PSG4: variants seen among roughly 807,000 people sequenced by gnomAD.
PSG4 encodes pregnancy specific beta-1-glycoprotein 4.
Under a neutral mutation model 44.3 loss-of-function variants are expected in PSG4, and 61 were observed. The ratio of observed to expected loss-of-function variants is 1.38; its 90% CI spans 1.12 to 1.70. The LOEUF is 1.70. PSG4 is among the 40% of genes most tolerant of loss of function. The probability of loss-of-function intolerance (pLI) is 0.00; values close to 1 mark genes in which losing one functional copy is unlikely to be tolerated. For synonymous variants in PSG4, 248 were observed against 191.3 expected, an observed-to-expected ratio of 1.30 and a Z score of -2.45; for missense variants, 677 against 511.7, an observed-to-expected ratio of 1.32 and a Z score of -3.12.
intron 1 of PSG4, chr19:43,204,675 T>A (rs1967678819): frequency 4.5e-6 from 1 of 220,676 alleles, no homozygotes; most frequent in South Asian, 5.3e-5. Context: ...ACATTCTAGA[T>A]CACTTAGCAT....
chr19:43,205,402 C>A lies in PSG4; in HGVS notation c.64+71G>T, dbSNP rs1297556227. ...CTTCTTTCATTTTTCAGAACCCCAT[C>A]CTCTCCAGGAGACCCCATCCAGTCA... On this transcript the variant is annotated intron_variant, in intron 1 of 5. Coordinates refer to ENST00000405312, the MANE Select transcript of PSG4 (RefSeq NM_002780.5). The A allele has an allele frequency of 9.0e-6, 13 of 1,440,008 alleles. 2 individuals carry two copies. The highest frequency in any genetic ancestry group is 6.4e-5 in the African/African-American group (4 of 62,606). 89.2% of individuals were successfully genotyped at this position (1,440,008 alleles called of 1,614,324 possible).
intron 4 of PSG4, 22 bp downstream of exon 4, chr19:43,194,973 C>G (rs183349811): frequency 1.9e-6 from 3 of 1,607,624 alleles, no homozygotes; most frequent in Non-Finnish European, 2.6e-6. Context: ...TCCTGGCCCA[C>G]AGAGGAACAA....
chr19:43,194,810 C>T, intron 4 of PSG4, 185 bp downstream of exon 4: 2 of 1,432,536 alleles, frequency 1.4e-6, no homozygotes, highest in Non-Finnish European at 1.9e-6. Context: ...AGCGTCCCCT[C>T]CCCTTATATT....
At chr19:43,193,803 A>T (rs1349503389) in intron 5 of PSG4, 2 of 544,212 alleles carry the variant, frequency 3.7e-6, no homozygotes, top group Admixed American at 3.7e-5. Context: ...ATAACCAATG[A>T]TTTGAAATGT....
chr19:43,199,244 A>G lies in PSG4; in HGVS notation c.431-969T>C, dbSNP rs182811009. Reference sequence around the variant, plus strand: ...ATTCTACTCTCTGATTCTGAGTTTGACTACTCTATGTACCTCATATAAGTG... The same window carrying G: ...ATTCTACTCTCTGATTCTGAGTTTGGCTACTCTATGTACCTCATATAAGTG... On this transcript the variant is annotated intron_variant, in intron 2 of 5. Coordinates refer to ENST00000405312, the MANE Select transcript of PSG4 (RefSeq NM_002780.5). 2.9e-3 allele frequency among the ~76,000 whole-genome samples: 417 copies of G among 145,238 alleles called. 63 individuals are homozygous for G. The highest frequency in any genetic ancestry group is 0.011 in the African/African-American group (414 of 37,786).
At position 43,192,784 on chromosome 19, in the gene PSG4, G is replaced by C. The variant is rs1443889840; in HGVS notation, c.*588C>G. On this transcript the variant is annotated 3_prime_UTR_variant, in exon 6 of 6. Coordinates refer to ENST00000405312, the MANE Select transcript of PSG4 (RefSeq NM_002780.5). ...CACTGTATCTCTTAGGAAATGGTGA[G>C]AGCCATCCACACAATGTGCATTTAA... The C allele has an allele frequency of 1.1e-5, 2 of 188,248 alleles. No homozygotes were observed. The highest frequency in any genetic ancestry group is 2.2e-5 in the Non-Finnish European group (2 of 89,896). 11.7% of individuals were successfully genotyped at this position (188,248 alleles called of 1,614,324 possible). A position where few individuals can be genotyped will look rare whatever the true frequency, so the allele number is the denominator to read the frequency against.
At position 43,200,583 on chromosome 19, in the gene PSG4, A is replaced by T. The variant is rs1599776511; in HGVS notation, c.431-2308T>A. Among the ~76,000 whole-genome samples the T allele has an allele frequency of 1.4e-5, 2 of 140,628 alleles. 1 individual carries two copies. The highest frequency in any genetic ancestry group is 3.0e-5 in the Non-Finnish European group (2 of 66,168). 92.3% of individuals were successfully genotyped at this position (140,628 alleles called of 152,430 possible). ...AAGCATTCTTCATTTCTCTAACAGCATTTTTTTTCTGAGACAGAGTCTCGC... is the reference window on the plus strand; with the variant it reads ...AAGCATTCTTCATTTCTCTAACAGCTTTTTTTTTCTGAGACAGAGTCTCGC... On this transcript the variant is annotated intron_variant, in intron 2 of 5. Coordinates refer to ENST00000405312, the MANE Select transcript of PSG4 (RefSeq NM_002780.5).
At position 43,198,176 on chromosome 19, in the gene PSG4, C is replaced by A; in HGVS notation, c.530G>T (p.Ser177Ile). ...LTCDPATPAA[S>I]YQWWMNGQSL... ...CTGACCATTCATCCACCACTGGTAG[C>A]TTGCGGCTGGAGTCGCAGGATCACA... is the stretch of plus-strand genomic sequence containing the variant. Residue 177 changes from serine (S) to isoleucine (I), a missense_variant, in exon 3 of 6, where the codon AGC becomes ATC. Physicochemically the swap from Ser to Ile is moderately radical, Grantham distance 142. Coordinates refer to ENST00000405312, the MANE Select transcript of PSG4 (RefSeq NM_002780.5). 6.3e-7 allele frequency: 1 copy of A among 1,587,976 alleles called. No homozygotes were observed. Among genetic ancestry groups the A allele is most frequent in the African/African-American group, 1.4e-5 (1 of 69,756 alleles).
In PSG4 at chr19:43,205,226, G is replaced by C. The variant is rs565953314; in HGVS notation, c.64+247C>G. Among the ~76,000 whole-genome samples, 3 of 138,072 alleles carry C rather than the reference G, an allele frequency of 2.2e-5. No individual in the cohort carries two copies. The South Asian group carries it at 6.7e-4, about 31-fold the overall frequency. 90.6% of individuals were successfully genotyped at this position (138,072 alleles called of 152,430 possible). On this transcript the variant is annotated intron_variant, in intron 1 of 5. Coordinates refer to ENST00000405312, the MANE Select transcript of PSG4 (RefSeq NM_002780.5). ...GGGTGCACGTGATTCTCCTGCCACA[G>C]CCTCCTGAGTAGCTATGATTACAGG...
intron 3 of PSG4, 51 bp downstream of exon 3, chr19:43,197,946 A>G (rs770581007): frequency 1.3e-6 from 2 of 1,581,708 alleles, no homozygotes; most frequent in Non-Finnish European, 8.6e-7. Flanking sequence ...GCCTCTGGCC[A>G]TGTGTATTTG....
intron 1 of PSG4, among the ~76,000 whole-genome samples, chr19:43,205,224 C>G (rs1241963126): frequency 7.2e-6 from 1 of 139,310 alleles, no homozygotes; most frequent in African/African-American, 2.9e-5. Context: ...TCTCCTGCCA[C>G]AGCCTCCTGA....
chr19:43,198,483 C>T, intron 2 of PSG4: 2 of 964,668 alleles, frequency 2.1e-6, no homozygotes, highest in Non-Finnish European at 2.8e-6. Flanking sequence ...GAAGCACAGA[C>T]TTTCTTAGGT....
chr19:43,193,273 C>T lies in PSG4; in HGVS notation c.*99G>A, dbSNP rs188794397. 2,404 of 767,950 alleles carry T rather than the reference C, an allele frequency of 3.1e-3. 54 individuals are homozygous for T. The highest frequency in any genetic ancestry group is 2.9e-3 in the Admixed American group (173 of 58,748). The allele number at this position is 767,950 out of a possible 1,614,324, so 47.6% of individuals were successfully genotyped here. A position where few individuals can be genotyped will look rare whatever the true frequency, so the allele number is the denominator to read the frequency against. On this transcript the variant is annotated 3_prime_UTR_variant, in exon 6 of 6. Transcript: ENST00000405312. ...AAGGGTTTTCCCATGAAATTTACATCGAGTTGTCCACCTCCAGCTTATAGG... is the reference window on the plus strand; with the variant it reads ...AAGGGTTTTCCCATGAAATTTACATTGAGTTGTCCACCTCCAGCTTATAGG...
chr19:43,201,368 G>A (rs1568388424), intron 2 of PSG4, among the ~76,000 whole-genome samples: 1 of 145,688 alleles, frequency 6.9e-6, no homozygotes, highest in Non-Finnish European at 1.5e-5. Flanking sequence ...TAAAATGTAG[G>A]CACAGTTTAT....
chr19:43,198,876 G>A (rs1967378712), intron 2 of PSG4: 1 of 149,504 alleles, frequency 6.7e-6, no homozygotes, highest in African/African-American at 2.6e-5. Flanking sequence ...TTTCCCAGGT[G>A]TCTCATGGTG....
Position 43,204,295 on chromosome 19 carries a change from T to C in PSG4, c.65-44A>G, listed in dbSNP as rs766153980. 10 of 1,514,516 alleles carry C rather than the reference T, an allele frequency of 6.6e-6. 1 individual carries two copies. Among genetic ancestry groups the C allele is most frequent in the Non-Finnish European group, 8.8e-6 (10 of 1,133,072 alleles). The allele number at this position is 1,514,516 out of a possible 1,614,324, so 93.8% of individuals were successfully genotyped here. On this transcript the variant is annotated intron_variant, in intron 1 of 5. Transcript: ENST00000405312. ...ATCAGTTAATATTGAGACCTATGTATTGGGGTGAAAAGATGGGTCCTGAGA... is the reference window on the plus strand; with the variant it reads ...ATCAGTTAATATTGAGACCTATGTACTGGGGTGAAAAGATGGGTCCTGAGA...
At chr19:43,197,436 T>G (rs929832010) in intron 3 of PSG4, among the ~76,000 whole-genome samples, 1 of 145,204 alleles carries the variant, frequency 6.9e-6, no homozygotes, top group Non-Finnish European at 1.5e-5. Context: ...TTTTAGTGAT[T>G]TGGGGGATAA....
At position 43,203,536 on chromosome 19, in the gene PSG4, C is replaced by A. The variant is rs993488228; in HGVS notation, c.430+350G>T. ...TAGGGCTGAGCTGCTCTGAGAGTAT[C>A]TCAGGGGGCCCCTCAGGCCAGCCCT... On this transcript the variant is annotated intron_variant, in intron 2 of 5. Coordinates refer to ENST00000405312, the MANE Select transcript of PSG4 (RefSeq NM_002780.5). The A allele has an allele frequency of 3.4e-5, 9 of 264,522 alleles. 1 individual carries two copies. The highest frequency in any genetic ancestry group is 2.2e-4 in the African/African-American group (9 of 41,376). The allele number at this position is 264,522 out of a possible 1,614,324, so 16.4% of individuals were successfully genotyped here. A position where few individuals can be genotyped will look rare whatever the true frequency, so the allele number is the denominator to read the frequency against.
chr19:43,199,657 G>T (rs1267667576), intron 2 of PSG4, among the ~76,000 whole-genome samples: 1 of 144,748 alleles, frequency 6.9e-6, no homozygotes, highest in Non-Finnish European at 1.5e-5. Flanking sequence ...TTGTAATACT[G>T]TAATTTTCCC....
Sources: gnomAD v4.1 joint callset for allele counts (sites outside exome capture counted in the v4.1 genomes callset) on GRCh38, gnomAD v4.1.1 for gene constraint, MANE v1.5 for transcripts, NCBI Gene and HGNC (gene_info 2026-07-23, HGNC 2026-07-21) for gene names.